MAF: variants seen among roughly 807,000 people sequenced by gnomAD.
The protein encoded by MAF is MAF bZIP transcription factor.
In MAF, 10 loss-of-function variants were observed where a neutral mutation model predicts 22.0. The observed-to-expected ratio is 0.45, with a 90% CI of 0.28 to 0.77. MAF has a LOEUF of 0.77. Ranked by LOEUF, MAF falls within the 30% of genes least tolerant of loss-of-function variation. The pLI is 0.12. For missense variants in MAF, 544 were observed against 548.4 expected (o/e 0.99, Z 0.08); for synonymous variants, 337 against 255.8 (o/e 1.32, Z -3.03).
the MAF span, among the ~76,000 whole-genome samples, chr16:79,437,464 A>G: frequency 6.6e-6 from 1 of 152,030 alleles, no homozygotes; most frequent in Non-Finnish European, 1.5e-5. Flanking sequence ...GAATGTCTCA[A>G]CTTCATTAAA....
chr16:79,539,663 C>A, the MAF span, among the ~76,000 whole-genome samples: 1 of 152,114 alleles, frequency 6.6e-6, no homozygotes, highest in Non-Finnish European at 1.5e-5. Flanking sequence ...AAAATGGAGA[C>A]AATCTAAACA....
At chr16:79,588,144 G>C (rs979750148) in intron 1 of MAF, among the ~76,000 whole-genome samples, 21 of 152,154 alleles carry the variant, frequency 1.4e-4, no homozygotes, top group Admixed American at 1.4e-3. Flanking sequence ...TGATATTCCA[G>C]GGAAGATTTT....
the MAF span, among the ~76,000 whole-genome samples, chr16:79,533,951 G>T: frequency 5.3e-5 from 8 of 152,206 alleles, no homozygotes; most frequent in Admixed American, 5.2e-4. Context: ...GGCAAGGAAA[G>T]CCTGGGAAAT....
At chr16:79,500,206 T>C in the MAF span, among the ~76,000 whole-genome samples, 4 of 152,188 alleles carry the variant, frequency 2.6e-5, no homozygotes, top group African/African-American at 9.7e-5. Context: ...AGTATTTTGT[T>C]ACAACAGCCA....
the MAF span, among the ~76,000 whole-genome samples, chr16:79,479,136 C>T: frequency 6.6e-6 from 1 of 150,946 alleles, no homozygotes; most frequent in Non-Finnish European, 1.5e-5. Context: ...TCTGGTGCAC[C>T]TGTGCACCAC....
the MAF span, among the ~76,000 whole-genome samples, chr16:79,307,642 G>T: frequency 1.3e-5 from 2 of 152,076 alleles, no homozygotes; most frequent in Non-Finnish European, 2.9e-5. Context: ...TGTTTAAACA[G>T]AAAAAAATAT....
chr16:79,500,149 G>T, the MAF span, among the ~76,000 whole-genome samples: 1 of 152,166 alleles, frequency 6.6e-6, no homozygotes, highest in African/African-American at 2.4e-5. Flanking sequence ...CTGGCCTCCA[G>T]GACTTTGAGA....
chr16:79,324,619 T>C, the MAF span, among the ~76,000 whole-genome samples: 1 of 151,880 alleles, frequency 6.6e-6, no homozygotes, highest in Non-Finnish European at 1.5e-5. Flanking sequence ...CGAAAACACC[T>C]AGGTAGTAAG....
At chr16:79,491,161 G>A in the MAF span, among the ~76,000 whole-genome samples, 2 of 152,176 alleles carry the variant, frequency 1.3e-5, no homozygotes, top group Non-Finnish European at 2.9e-5. Context: ...ATATCCCGTG[G>A]AGCTTACTAT....
At chr16:79,367,742 C>G in the MAF span, among the ~76,000 whole-genome samples, 1 of 152,216 alleles carries the variant, frequency 6.6e-6, no homozygotes, top group African/African-American at 2.4e-5. Flanking sequence ...AGTACCCACA[C>G]ATGCCTAGTG....
chr16:79,467,817 A>G, the MAF span, among the ~76,000 whole-genome samples: 1 of 151,986 alleles, frequency 6.6e-6, no homozygotes, highest in Non-Finnish European at 1.5e-5. Context: ...CATACTAGGC[A>G]CTTAATAAAT....
the MAF span, among the ~76,000 whole-genome samples, chr16:79,383,958 C>A: frequency 6.6e-6 from 1 of 152,172 alleles, no homozygotes; most frequent in Non-Finnish European, 1.5e-5. Context: ...TGAAAAGCCA[C>A]TTGTGAAAAA....
the MAF span, among the ~76,000 whole-genome samples, chr16:79,517,724 G>A: frequency 2.0e-5 from 3 of 152,072 alleles, no homozygotes; most frequent in South Asian, 2.1e-4. Flanking sequence ...ACAGGCACCC[G>A]CCATCATGCC....
the MAF span, among the ~76,000 whole-genome samples, chr16:79,298,824 G>T: frequency 2.0e-5 from 3 of 152,256 alleles, no homozygotes; most frequent in African/African-American, 7.2e-5. Flanking sequence ...GCTTCCAGAG[G>T]CCCCTCAGAG....
chr16:79,314,741 T>C, the MAF span, among the ~76,000 whole-genome samples: 2 of 152,108 alleles, frequency 1.3e-5, no homozygotes, highest in Admixed American at 1.3e-4. Context: ...CCTCTAGAAA[T>C]GAGAGGAGGC....
At chr16:79,274,789 G>A in the MAF span, among the ~76,000 whole-genome samples, 1 of 152,170 alleles carries the variant, frequency 6.6e-6, no homozygotes, top group South Asian at 2.1e-4. Context: ...AAGGCTGTGA[G>A]TCATCATTCT....
chr16:79,306,143 T>C, the MAF span, among the ~76,000 whole-genome samples: 222 of 152,352 alleles, frequency 1.5e-3, 1 homozygote, highest in African/African-American at 5.0e-3. Flanking sequence ...AGTCTCTGCC[T>C]CCTATGCTTT....
At chr16:79,218,167 T>C in the MAF span, among the ~76,000 whole-genome samples, 1 of 152,144 alleles carries the variant, frequency 6.6e-6, no homozygotes, top group Non-Finnish European at 1.5e-5. Flanking sequence ...CTGAGTTGTA[T>C]CTATAGATGT....
At chr16:79,597,589 T>G in intron 1 of MAF, 4 of 1,022,230 alleles carry the variant, frequency 3.9e-6, no homozygotes, top group Non-Finnish European at 4.7e-6. Context: ...AGGTTGAAGT[T>G]CTGAGTAACT....
Sources: gnomAD v4.1 joint callset for allele counts (sites outside exome capture counted in the v4.1 genomes callset) on GRCh38, gnomAD v4.1.1 for gene constraint, MANE v1.5 for transcripts, NCBI Gene and HGNC (gene_info 2026-07-23, HGNC 2026-07-21) for gene names.